SH3D19: variants seen among roughly 807,000 people sequenced by gnomAD.
SH3D19 encodes SH3 domain containing 19, also known as SH3 domain-containing protein 19.
SH3D19 carries 58 observed loss-of-function variants against 112.1 expected under a neutral mutation model. The observed-to-expected ratio is 0.52, with a 90% CI of 0.42 to 0.64. The LOEUF (loss-of-function observed/expected upper bound fraction) is 0.64, where lower values mean the gene tolerates loss of function less well. Ranked by LOEUF, SH3D19 falls within the 30% of genes least tolerant of loss-of-function variation. The pLI is 0.00. For synonymous variants in SH3D19, 391 were observed against 448.5 expected (o/e 0.87, Z 1.62); for missense variants, 1,090 against 1,263.4 (o/e 0.86, Z 2.08).
chr4:151,174,120 T>TGGGTCCTCATTCCGTACATTTTC (rs1300117708), intron 7 of SH3D19, among the ~76,000 whole-genome samples: 10 of 152,216 alleles, frequency 6.6e-5, no homozygotes, highest in Admixed American at 4.6e-4. Context: ...AACATGTGGC[T>TGGGTCCTCATTCCGTACATTTTC]GGGTCCTCAT....
In SH3D19 at chr4:151,180,608, G is replaced by A. The variant is rs1200942546; in HGVS notation, c.194-1211C>T. Among the ~76,000 whole-genome samples the A allele has an allele frequency of 4.0e-5, 6 of 151,250 alleles. No homozygotes were observed. In the South Asian group the frequency reaches 6.3e-4, roughly 16 times the overall value. Reference sequence around the variant, plus strand: ...TTTTTAGTAGATACGGGGTTTCACCGTGTTAGCCAGGATGGTCTCGATCTC... The same window carrying A: ...TTTTTAGTAGATACGGGGTTTCACCATGTTAGCCAGGATGGTCTCGATCTC... On this transcript the variant is annotated intron_variant, in intron 3 of 19. Transcript: ENST00000604030.
intron 2 of SH3D19, among the ~76,000 whole-genome samples, chr4:151,214,305 T>G (rs1265095771): frequency 6.6e-6 from 1 of 151,100 alleles, no homozygotes; most frequent in East Asian, 2.0e-4. Flanking sequence ...GATTTCTCAA[T>G]CTTTTCCCCA....
At chr4:151,282,474 C>A in intron 1 of SH3D19, 1 of 1,551,396 alleles carries the variant, frequency 6.4e-7, no homozygotes, top group Non-Finnish European at 8.8e-7. Flanking sequence ...CCAGAACATT[C>A]ATATTCTAGG....
At chr4:151,324,805 G>C (rs1730890273) in intron 1 of SH3D19, among the ~76,000 whole-genome samples, 1 of 152,132 alleles carries the variant, frequency 6.6e-6, no homozygotes, top group Non-Finnish European at 1.5e-5. Context: ...CAGGTCCGAA[G>C]TGCAAGGGAC....
At chr4:151,309,796 C>T (rs943099873) in intron 1 of SH3D19, among the ~76,000 whole-genome samples, 3 of 151,204 alleles carry the variant, frequency 2.0e-5, no homozygotes, top group African/African-American at 7.3e-5. Context: ...TCTAGGCCAG[C>T]CTGGGCAACA....
At chr4:151,153,821 G>T (rs1026042999) in intron 9 of SH3D19, among the ~76,000 whole-genome samples, 3 of 152,120 alleles carry the variant, frequency 2.0e-5, no homozygotes, top group Non-Finnish European at 4.4e-5. Context: ...TCCTCATGTT[G>T]TCATGTGAGG....
intron 1 of SH3D19, among the ~76,000 whole-genome samples, chr4:151,324,460 G>C (rs1484369447): frequency 1.3e-5 from 2 of 151,922 alleles, no homozygotes; most frequent in African/African-American, 2.4e-5. Context: ...CAGATAACTC[G>C]GATTACCCAG....
intron 1 of SH3D19, among the ~76,000 whole-genome samples, chr4:151,308,418 C>G (rs568306227): frequency 4.6e-5 from 7 of 152,310 alleles, no homozygotes; most frequent in Admixed American, 1.3e-4. Context: ...AGGTACCCCC[C>G]ACAGGCCCTA....
chr4:151,198,314 A>AT (rs1248273897), intron 2 of SH3D19, among the ~76,000 whole-genome samples: 76 of 74,988 alleles, frequency 1.0e-3, no homozygotes, highest in Middle Eastern at 0.015. Context: ...CAAAAAAAAA[A>AT]AAAATATATA....
At chr4:151,272,108 T>A (rs922894228) in intron 1 of SH3D19, among the ~76,000 whole-genome samples, 1 of 152,168 alleles carries the variant, frequency 6.6e-6, no homozygotes, top group Non-Finnish European at 1.5e-5. Context: ...AGCAGTAAAA[T>A]GGCAGATCCA....
chr4:151,135,648 T>C (rs1285420140), intron 14 of SH3D19, among the ~76,000 whole-genome samples: 1 of 152,010 alleles, frequency 6.6e-6, no homozygotes, highest in East Asian at 1.9e-4. Context: ...GGGCTGGTCT[T>C]GAACTCTTGG....
At chr4:151,279,798 T>C in intron 1 of SH3D19, 4 of 1,613,796 alleles carry the variant, frequency 2.5e-6, no homozygotes, top group Non-Finnish European at 3.4e-6. Context: ...TTCTCTAGTG[T>C]GTGGGCAACC....
intron 2 of SH3D19, among the ~76,000 whole-genome samples, chr4:151,208,239 C>T (rs1765387739): frequency 6.6e-6 from 1 of 152,230 alleles, no homozygotes; most frequent in African/African-American, 2.4e-5. Context: ...AGAAATTCCA[C>T]TTGTGGATGG....
At chr4:151,214,324 C>T (rs1260935108) in intron 2 of SH3D19, among the ~76,000 whole-genome samples, 4 of 149,706 alleles carry the variant, frequency 2.7e-5, no homozygotes, top group South Asian at 4.3e-4. Context: ...CACCTTTCCC[C>T]GCTTTCTATT....
At chr4:151,322,670 T>C (rs1461184647) in intron 1 of SH3D19, among the ~76,000 whole-genome samples, 3 of 152,160 alleles carry the variant, frequency 2.0e-5, no homozygotes, top group Non-Finnish European at 4.4e-5. Context: ...TCAAACCCAA[T>C]TTTCTTAACA....
In SH3D19 at chr4:151,127,005, G is replaced by A. The variant is rs189952361; in HGVS notation, c.3027+613C>T. Among the ~76,000 whole-genome samples, 87 of 151,372 alleles carry A rather than the reference G, an allele frequency of 5.7e-4. 3 individuals carry two copies. In the East Asian group the frequency reaches 0.017, roughly 29 times the overall value. On this transcript the variant is annotated intron_variant, in intron 19 of 19. Transcript: ENST00000604030. ...GCTCACTGCAAGCTCCACCTCCCGG[G>A]TTCATGCCATTCTCCTGCCTCAGCC...
chr4:151,244,541 C>G (rs1007280333), intron 1 of SH3D19, among the ~76,000 whole-genome samples: 1 of 152,120 alleles, frequency 6.6e-6, no homozygotes, highest in Non-Finnish European at 1.5e-5. Flanking sequence ...AAAGATTATT[C>G]GAACTGAGAT....
chr4:151,267,802 G>C (rs1772925586), intron 1 of SH3D19, among the ~76,000 whole-genome samples: 1 of 152,106 alleles, frequency 6.6e-6, no homozygotes, highest in African/African-American at 2.4e-5. Flanking sequence ...CCCCTGTAAA[G>C]GGGGACTGGT....
intron 1 of SH3D19, among the ~76,000 whole-genome samples, chr4:151,245,922 T>C (rs1316397988): frequency 6.6e-6 from 1 of 152,034 alleles, no homozygotes; most frequent in African/African-American, 2.4e-5. Flanking sequence ...AGTCTTTTAC[T>C]GGGACTTGAC....
Sources: allele counts gnomAD v4.1 joint callset (sites outside exome capture counted in the v4.1 genomes callset), GRCh38; gene constraint gnomAD v4.1.1; transcripts MANE v1.5; gene names NCBI Gene and HGNC (gene_info 2026-07-23, HGNC 2026-07-21).